Variants in GBF1 observed in about 807,000 individuals in gnomAD.
GBF1 encodes the protein Golgi-specific brefeldin A-resistance guanine nucleotide exchange factor 1.
Under a neutral mutation model 210.5 loss-of-function variants are expected in GBF1, and 114 were observed. The observed-to-expected ratio is 0.54, with a 90% CI of 0.47 to 0.63. GBF1 has a LOEUF of 0.63. Among genes scored for constraint, GBF1 ranks in the 30% least tolerant of loss-of-function variants. GBF1 has a pLI of 0.00. For synonymous variants in GBF1, 850 were observed against 889.2 expected (o/e 0.96, Z 0.78); for missense variants, 1,851 against 2,357.7 (o/e 0.79, Z 4.45).
rs1257864660 is a variant in GBF1, at chr10:102,375,407, T to TC, written c.3712dup (p.Arg1238ProfsTer12). On this transcript the variant is annotated frameshift_variant, in exon 30 of 40. Transcript: ENST00000369983. LOFTEE classifies it high-confidence loss of function. ...GCTACTGATGAAGCCCAGTGTGCTA[T>TC]CCCGAGTCAGCCACCAGGTTGCGTA... is the stretch of plus-strand genomic sequence containing the variant. 6.2e-7 allele frequency: 1 copy of TC among 1,613,858 alleles called. No individual in the cohort carries two copies. Among genetic ancestry groups the TC allele is most frequent in the Non-Finnish European group, 8.5e-7 (1 of 1,179,890 alleles).
At chr10:102,306,862 C>T (rs1445899803) in intron 3 of GBF1, among the ~76,000 whole-genome samples, 2 of 152,230 alleles carry the variant, frequency 1.3e-5, no homozygotes, top group Non-Finnish European at 2.9e-5. Flanking sequence ...CTCATGTTAT[C>T]AGTCACTGAC....
intron 1 of GBF1, among the ~76,000 whole-genome samples, chr10:102,255,976 C>T (rs901746469): frequency 3.3e-5 from 5 of 152,208 alleles, no homozygotes; most frequent in Admixed American, 2.0e-4. Flanking sequence ...GACAGAGTCT[C>T]GCTCTGTTGC....
chr10:102,354,705 G>A (rs1222794695), intron 8 of GBF1, among the ~76,000 whole-genome samples: 7 of 152,232 alleles, frequency 4.6e-5, no homozygotes, highest in African/African-American at 1.7e-4. Context: ...AGTTAGCCTA[G>A]AAAGCCTGGG....
intron 3 of GBF1, among the ~76,000 whole-genome samples, chr10:102,276,143 A>C (rs2074940560): frequency 6.6e-6 from 1 of 152,178 alleles, no homozygotes; most frequent in South Asian, 2.1e-4. Context: ...AGGCTGAGGC[A>C]GGAGAATCGC....
At chr10:102,286,194 G>GTTT (rs55904022) in intron 3 of GBF1, among the ~76,000 whole-genome samples, 2 of 126,372 alleles carry the variant, frequency 1.6e-5, no homozygotes, top group African/African-American at 3.3e-5. Flanking sequence ...AAGCATAAGG[G>GTTT]TTTTTTTTTT....
At position 102,375,480 on chromosome 10, in the gene GBF1, G is replaced by T; in HGVS notation, c.3782G>T (p.Gly1261Val). 1 of 1,613,572 alleles carries T rather than the reference G, an allele frequency of 6.2e-7. No individual in the cohort carries two copies. The highest frequency in any genetic ancestry group is 8.5e-7 in the Non-Finnish European group (1 of 1,179,472). The change falls in exon 30 of 40, where the codon GGT becomes GTT. Residue 1261 changes from glycine (G) to valine (V), a missense_variant. Physicochemically the swap from Gly to Val is moderately radical, Grantham distance 109. Around this residue, in one of 3 missense-constraint regions of GBF1, gnomAD observed 967 missense variants for 1,247.7 expected, o/e 0.78. Coordinates refer to ENST00000369983, the MANE Select transcript of GBF1 (RefSeq NM_001377137.1). Reference sequence around the variant, plus strand: ...ACCAATGCAGCCAACATCCACTCAGGTGATGACTGGGCCACACTCTTCACA... The same window carrying T: ...ACCAATGCAGCCAACATCCACTCAGTTGATGACTGGGCCACACTCTTCACA... ...LKTNAANIHS[G>V]DDWATLFTLL... is the part of the protein sequence containing the mutation.
intron 38 of GBF1, 25 bp downstream of exon 38, chr10:102,380,711 C>T (rs768802701): frequency 2.6e-6 from 4 of 1,561,470 alleles, no homozygotes; most frequent in Admixed American, 3.6e-5. Context: ...CCAGCTTTAT[C>T]AAAAAGAGTC....
At chr10:102,365,624 G>T (rs373634400) in intron 18 of GBF1, 25 bp downstream of exon 18, 4 of 1,595,342 alleles carry the variant, frequency 2.5e-6, no homozygotes, top group Non-Finnish European at 2.6e-6. Context: ...AGAAATGTGG[G>T]ATATAGCCAG....
intron 21 of GBF1, among the ~76,000 whole-genome samples, chr10:102,367,839 A>G (rs752755023): frequency 6.6e-6 from 1 of 152,220 alleles, no homozygotes; most frequent in Non-Finnish European, 1.5e-5. Context: ...ATTTTCCTGT[A>G]TAGATTACAA....
intron 37 of GBF1, 71 bp from the exon 38 acceptor site, chr10:102,380,435 T>C: frequency 1.3e-6 from 2 of 1,583,736 alleles, no homozygotes; most frequent in Non-Finnish European, 1.7e-6. Flanking sequence ...TCCCCCTTGG[T>C]AGCTACCTCC....
the GBF1 span, chr10:102,231,446 G>C: frequency 7.6e-3 from 4,861 of 639,130 alleles, 176 homozygotes; most frequent in African/African-American, 0.08. Flanking sequence ...GCAAGAGACC[G>C]CGTGGGGCTG....
In GBF1 at chr10:102,365,421, T is replaced by G. The variant is rs2059858111; in HGVS notation, c.2131T>G (p.Phe711Val). Residue 711 changes from phenylalanine to valine, a missense_variant, in exon 18 of 40, where the codon TTC (phenylalanine) becomes GTC (valine). Physicochemically the swap from Phe to Val is conservative, Grantham distance 50. Coordinates refer to ENST00000369983, the MANE Select transcript of GBF1 (RefSeq NM_001377137.1). ...GCTGCTAATCACTGGCACAGAGCAG[T>G]TCAATCAGAAACCAAAGAAGGGGAT... is the stretch of plus-strand genomic sequence containing the variant. ...KKLLITGTEQ[F>V]NQKPKKGIQF... 1 of 1,614,012 alleles carries G rather than the reference T, an allele frequency of 6.2e-7. No homozygotes were observed. Among genetic ancestry groups the G allele is most frequent in the Non-Finnish European group, 8.5e-7 (1 of 1,179,912 alleles).
intron 11 of GBF1, 73 bp downstream of exon 11, chr10:102,359,508 C>G: frequency 8.8e-7 from 1 of 1,134,608 alleles, no homozygotes. Flanking sequence ...CCTAGACCGT[C>G]TTAAACCAAG....
chr10:102,263,548 A>AT (rs1015663990), intron 3 of GBF1, among the ~76,000 whole-genome samples: 4 of 151,438 alleles, frequency 2.6e-5, no homozygotes, highest in South Asian at 2.1e-4. Context: ...AACCAAAATG[A>AT]TTTTTTTTTC....
At chr10:102,272,474 T>A (rs2074541791) in intron 3 of GBF1, among the ~76,000 whole-genome samples, 1 of 152,242 alleles carries the variant, frequency 6.6e-6, no homozygotes, top group South Asian at 2.1e-4. Flanking sequence ...AATTTTGAAA[T>A]ACGTTAATTT....
At chr10:102,237,272 G>A in the GBF1 span, among the ~76,000 whole-genome samples, 1 of 152,188 alleles carries the variant, frequency 6.6e-6, no homozygotes, top group Non-Finnish European at 1.5e-5. Context: ...AGGTGGTACC[G>A]AGTGTTGGGA....
chr10:102,347,708 A>C (rs1218517339), intron 4 of GBF1, among the ~76,000 whole-genome samples: 1 of 152,194 alleles, frequency 6.6e-6, no homozygotes, highest in African/African-American at 2.4e-5. Flanking sequence ...GAAGAGGAGG[A>C]CATTTTAAAG....
intron 29 of GBF1, among the ~76,000 whole-genome samples, chr10:102,374,570 G>A (rs1213865740): frequency 6.6e-6 from 1 of 151,880 alleles, no homozygotes; most frequent in Non-Finnish European, 1.5e-5. Context: ...GGGTGACAGA[G>A]CAAAACCTGT....
chr10:102,256,666 C>T (rs913390834), intron 1 of GBF1, among the ~76,000 whole-genome samples: 14 of 151,732 alleles, frequency 9.2e-5, no homozygotes, highest in African/African-American at 2.9e-4. Context: ...ATTACAGGCG[C>T]CCTCCACCAC....
Sources: gnomAD v4.1 joint callset for allele counts (sites outside exome capture counted in the v4.1 genomes callset) on GRCh38, gnomAD v4.1.1 for gene constraint, gnomAD v4.1.1 regional missense constraint, MANE v1.5 for transcripts, NCBI Gene and HGNC (gene_info 2026-07-23, HGNC 2026-07-21) for gene names.